The following BOP1 variants were observed in gnomAD, a reference collection of about 807,000 sequenced individuals.
The protein encoded by BOP1 is ribosome biogenesis protein BOP1.
BOP1 carries 54 observed loss-of-function variants against 82.9 expected under a neutral mutation model. That is an observed-to-expected ratio of 0.65 (90% confidence interval 0.52 to 0.82). The LOEUF (loss-of-function observed/expected upper bound fraction) is 0.82, where lower values mean the gene tolerates loss of function less well. Ranked by LOEUF, BOP1 falls within the 40% of genes least tolerant of loss-of-function variation. The pLI is 0.00. For synonymous variants in BOP1, 566 were observed against 451.1 expected (o/e 1.25, Z -3.23); for missense variants, 1,170 against 1,072.0 (o/e 1.09, Z -1.28).
chr8:144,264,633 G>A lies in BOP1; in HGVS notation c.664-17C>T, dbSNP rs978720524. 4.9e-5 allele frequency: 77 copies of A among 1,580,172 alleles called. No homozygotes were observed. The highest frequency in any genetic ancestry group is 2.0e-4 in the Middle Eastern group (1 of 5,060). ...GACAGCCGGCTGGGGGAGAAGATGT[G>A]GGCGTGTGGGCCAGAGTGGCTGAGG... On this transcript the variant is annotated splice_polypyrimidine_tract_variant and intron_variant, in intron 5 of 15. Coordinates refer to ENST00000569669, the MANE Select transcript of BOP1 (RefSeq NM_015201.5).
chr8:144,262,569 C>T lies in BOP1; in HGVS notation c.1979+19G>A. ...AGGGAGGGGCTCTGCTGGCCGCCTC[C>T]ACCCCCAGCTTTCCTCACCTCAGCA... is the stretch of plus-strand genomic sequence containing the variant. On this transcript the variant is annotated intron_variant, in intron 14 of 15. Transcript: ENST00000569669. The T allele has an allele frequency of 6.2e-7, 1 of 1,613,222 alleles. No homozygotes were observed.
At chr8:144,272,139 C>A (rs1056835183) in intron 3 of BOP1, among the ~76,000 whole-genome samples, 2 of 152,038 alleles carry the variant, frequency 1.3e-5, no homozygotes, top group East Asian at 3.9e-4. Flanking sequence ...GGGTGGGGCA[C>A]AGGCTTGGGG....
Position 144,283,201 on chromosome 8 carries a change from C to CAAAAAAAAAAAAAAAAAAAA in BOP1, c.309+5874_309+5893dup, listed in dbSNP as rs60868806. On this transcript the variant is annotated intron_variant, in intron 2 of 15. Coordinates refer to ENST00000569669, the MANE Select transcript of BOP1 (RefSeq NM_015201.5). ...CGATAAGAGCAAAAAAACTCCATCT[C>CAAAAAAAAAAAAAAAAAAAA]AAAAAAAAAAAAAAAAAAAAAAAAG... Among the ~76,000 whole-genome samples, 247 of 54,282 alleles carry CAAAAAAAAAAAAAAAAAAAA rather than the reference C, an allele frequency of 4.6e-3. 13 individuals are homozygous for CAAAAAAAAAAAAAAAAAAAA. The highest frequency in any genetic ancestry group is 7.6e-3 in the African/African-American group (56 of 7,348). The allele number at this position is 54,282 out of a possible 152,430, so 35.6% of individuals were successfully genotyped here. A position where few individuals can be genotyped will look rare whatever the true frequency, so the allele number is the denominator to read the frequency against.
At chr8:144,277,505 A>G (rs1554838396) in intron 2 of BOP1, among the ~76,000 whole-genome samples, 3,633 of 152,356 alleles carry the variant, frequency 0.024, 160 homozygotes, top group African/African-American at 0.083. Context: ...GACCCCTCAC[A>G]GTGGCCGGGG....
In BOP1 at chr8:144,262,158, G is replaced by A. The variant is rs894015762; in HGVS notation, c.*6C>T. 1.7e-5 allele frequency: 27 copies of A among 1,612,128 alleles called. No homozygotes were observed. The Admixed American group carries it at 3.5e-4, about 21-fold the overall frequency. The stretch of plus-strand genomic sequence containing the variant: ...CGACCACCCCAGCCCCAGGCAGGCA[G>A]AACAGCTAGGTGAAGAGGCGGACAG... On this transcript the variant is annotated 3_prime_UTR_variant, in exon 16 of 16. Coordinates refer to ENST00000569669, the MANE Select transcript of BOP1 (RefSeq NM_015201.5).
chr8:144,277,105 G>A (rs1434564388), intron 2 of BOP1, among the ~76,000 whole-genome samples: 1 of 152,214 alleles, frequency 6.6e-6, no homozygotes, highest in African/African-American at 2.4e-5. Flanking sequence ...CCTCTCACCC[G>A]TGGGGGCAGT....
At chr8:144,283,487 A>G (rs1179718909) in intron 2 of BOP1, among the ~76,000 whole-genome samples, 1 of 152,070 alleles carries the variant, frequency 6.6e-6, no homozygotes, top group Non-Finnish European at 1.5e-5. Context: ...CATTTTTTAA[A>G]TTTTCTGTAA....
chr8:144,262,839 C>T lies in BOP1; in HGVS notation c.1894+14G>A, dbSNP rs1845254511. 1.0e-6 allele frequency: 1 copy of T among 978,170 alleles called. No individual in the cohort carries two copies. Among genetic ancestry groups the T allele is most frequent in the Non-Finnish European group, 1.4e-6 (1 of 728,702 alleles). The allele number at this position is 978,170 out of a possible 1,614,324, so 60.6% of individuals were successfully genotyped here. A position where few individuals can be genotyped will look rare whatever the true frequency, so the allele number is the denominator to read the frequency against. ...CACCCCTCACCTGCAGGGTGCACCG[C>T]CCCCACCCCTCACCTGCAGGGTGCA... On this transcript the variant is annotated intron_variant, in intron 13 of 15. Coordinates refer to ENST00000569669, the MANE Select transcript of BOP1 (RefSeq NM_015201.5).
intron 3 of BOP1, among the ~76,000 whole-genome samples, chr8:144,269,774 G>A (rs1845462078): frequency 6.6e-6 from 1 of 152,188 alleles, no homozygotes; most frequent in Admixed American, 6.5e-5. Context: ...CATGCAGCTA[G>A]GGGCTGACGC....
chr8:144,289,417 C>T, intron 1 of BOP1, 113 bp from the exon 2 acceptor site: 1 of 1,092,822 alleles, frequency 9.2e-7, no homozygotes, highest in Non-Finnish European at 1.3e-6. Context: ...CTCCATGTGG[C>T]CTCCAGGACC....
intron 3 of BOP1, among the ~76,000 whole-genome samples, chr8:144,266,282 G>C (rs945143544): frequency 6.6e-6 from 1 of 152,036 alleles, no homozygotes; most frequent in African/African-American, 2.4e-5. Flanking sequence ...GAGACGGAAC[G>C]ATGCCCCCAA....
chr8:144,262,716 C>A, intron 13 of BOP1, 44 bp from the exon 14 acceptor site: 1 of 1,606,118 alleles, frequency 6.2e-7, no homozygotes, highest in Admixed American at 1.7e-5. Flanking sequence ...CTCTCACCTG[C>A]AGGGTGCACT....
rs1426829164 is a variant in BOP1 at position 144,276,178 on chromosome 8, TGGAAGCCGCCCCACCCTGCCCAGTG to T, written c.390+21_390+45del. On this transcript the variant is annotated intron_variant, in intron 3 of 15. Coordinates refer to ENST00000569669, the MANE Select transcript of BOP1 (RefSeq NM_015201.5). ...ACCCCCAGCACCTGCTAGGCTGTGA[TGGAAGCCGCCCCACCCTGCCCAGTG>T]GGAAGCAGCCCCAGTCCTACCTCCT... is the stretch of plus-strand genomic sequence containing the variant. 2.0e-5 allele frequency: 32 copies of T among 1,605,776 alleles called. No individual in the cohort carries two copies. The African/African-American group carries it at 3.2e-4, about 16-fold the overall frequency.
At chr8:144,277,051 C>G (rs1054520018) in intron 2 of BOP1, among the ~76,000 whole-genome samples, 3 of 152,264 alleles carry the variant, frequency 2.0e-5, no homozygotes, top group Admixed American at 1.3e-4. Flanking sequence ...CCAACCGGAT[C>G]GGGTTTACTG....
At chr8:144,269,816 A>G (rs1157428678) in intron 3 of BOP1, among the ~76,000 whole-genome samples, 1 of 151,886 alleles carries the variant, frequency 6.6e-6, no homozygotes, top group East Asian at 1.9e-4. Flanking sequence ...CTTTCCTCAC[A>G]CCCCCGCCCC....
intron 3 of BOP1, chr8:144,267,009 G>A: frequency 4.6e-6 from 7 of 1,537,262 alleles, no homozygotes; most frequent in Non-Finnish European, 6.1e-6. Context: ...ACGTGCTGCT[G>A]GCGGGCGAGG....
At position 144,289,284 on chromosome 8, in the gene BOP1, A is replaced by G. The variant is rs996274816; in HGVS notation, c.120T>C (p.Ser40=). 1.9e-6 allele frequency: 3 copies of G among 1,613,950 alleles called. No individual in the cohort carries two copies. Among genetic ancestry groups the G allele is most frequent in the Non-Finnish European group, 1.7e-6 (2 of 1,179,976 alleles). Residue 40 remains serine (S), a synonymous_variant, in exon 2 of 16, where the codon TCT becomes TCC. Coordinates refer to ENST00000569669, the MANE Select transcript of BOP1 (RefSeq NM_015201.5). ...CGCTGCCGGTGCTGTGGCTGAGAGG[A>G]GAGGTGCAGAGGAGGGGGGGCTGCA... ...PEPEPPLLCT[S]PLSHSTGSDS...
At chr8:144,289,046 C>T (rs76199715) in intron 2 of BOP1, 49 bp downstream of exon 2, 1 of 1,598,564 alleles carries the variant, frequency 6.3e-7, no homozygotes, top group East Asian at 2.2e-5. Flanking sequence ...AAGCCCAAGG[C>T]CACCTGCACA....
At chr8:144,267,465 T>C (rs1845402253) in intron 3 of BOP1, among the ~76,000 whole-genome samples, 5 of 152,172 alleles carry the variant, frequency 3.3e-5, no homozygotes. Flanking sequence ...GCGGGGAGGC[T>C]GGGGAGCTGG....
Sources: gnomAD v4.1 joint callset for allele counts (sites outside exome capture counted in the v4.1 genomes callset) on GRCh38, gnomAD v4.1.1 for gene constraint, MANE v1.5 for transcripts, NCBI Gene and HGNC (gene_info 2026-07-23, HGNC 2026-07-21) for gene names.